Variants in MYO1E observed in about 807,000 individuals in gnomAD.
MYO1E encodes the protein myosin IE, also known as unconventional myosin-Ie.
In MYO1E, 68 loss-of-function variants were observed where a neutral mutation model predicts 151.1. The ratio of observed to expected loss-of-function variants is 0.45; its 90% CI spans 0.37 to 0.55. The LOEUF (loss-of-function observed/expected upper bound fraction) is 0.55, where lower values mean the gene tolerates loss of function less well. MYO1E is among the 20% of genes least tolerant of loss of function. The probability of loss-of-function intolerance (pLI) is 0.00; values close to 1 mark genes in which losing one functional copy is unlikely to be tolerated. For synonymous variants in MYO1E, 601 were observed against 501.7 expected, an observed-to-expected ratio of 1.20 and a Z score of -2.64; for missense variants, 1,363 against 1,389.3, an observed-to-expected ratio of 0.98 and a Z score of 0.30.
At chr15:59,207,362 T>G in intron 14 of MYO1E, 1 of 1,614,004 alleles carries the variant, frequency 6.2e-7, no homozygotes, top group African/African-American at 1.3e-5. Context: ...TCCAACCTAG[T>G]GATTATCACA....
At chr15:59,267,340 G>C (rs2140378559) in intron 2 of MYO1E, among the ~76,000 whole-genome samples, 1 of 152,280 alleles carries the variant, frequency 6.6e-6, no homozygotes, top group South Asian at 2.1e-4. Flanking sequence ...AAATCTATTT[G>C]AATAGTCAGT....
chr15:59,227,699 C>T (rs2080000518), intron 6 of MYO1E, 109 bp from the exon 7 acceptor site: 9 of 1,409,838 alleles, frequency 6.4e-6, no homozygotes, highest in Admixed American at 1.7e-5. Context: ...ATAAAATACA[C>T]ATTCTGAATT....
chr15:59,149,114 T>C (rs189135939), intron 26 of MYO1E, among the ~76,000 whole-genome samples: 2 of 145,148 alleles, frequency 1.4e-5, no homozygotes, highest in East Asian at 4.1e-4. Flanking sequence ...TGGAGTGCAG[T>C]GGCCCAATCT....
intron 18 of MYO1E, among the ~76,000 whole-genome samples, chr15:59,180,984 C>G (rs2079655183): frequency 1.3e-5 from 2 of 152,170 alleles, no homozygotes; most frequent in African/African-American, 2.4e-5. Flanking sequence ...CTCTTGTTAT[C>G]TCTTGGATCA....
intron 10 of MYO1E, 47 bp downstream of exon 10, chr15:59,217,844 T>C (rs765917924): frequency 7.5e-6 from 12 of 1,602,038 alleles, no homozygotes; most frequent in Non-Finnish European, 7.7e-6. Flanking sequence ...TTTTACTCTT[T>C]ATAGCTAAGA....
chr15:59,271,049 T>C (rs1459381942), intron 2 of MYO1E: 4 of 152,220 alleles, frequency 2.6e-5, no homozygotes, highest in African/African-American at 9.6e-5. Context: ...AATTCCCTTA[T>C]AGTAAATAAG....
At chr15:59,265,664 G>C (rs1404584188) in intron 2 of MYO1E, among the ~76,000 whole-genome samples, 4 of 152,054 alleles carry the variant, frequency 2.6e-5, no homozygotes, top group African/African-American at 9.7e-5. Context: ...AAAAAATAAA[G>C]TTTGGTTTAA....
chr15:59,168,929 C>G (rs1687067772), intron 22 of MYO1E, among the ~76,000 whole-genome samples: 1 of 152,180 alleles, frequency 6.6e-6, no homozygotes, highest in Admixed American at 6.5e-5. Context: ...GCCTTTATTT[C>G]ATGCTCAAAT....
intron 26 of MYO1E, among the ~76,000 whole-genome samples, chr15:59,149,210 C>T (rs1286980968): frequency 6.6e-6 from 1 of 152,014 alleles, no homozygotes; most frequent in Non-Finnish European, 1.5e-5. Context: ...GCACCCACCA[C>T]CATACCCAGC....
chr15:59,318,365 T>G (rs1468505110), intron 1 of MYO1E, among the ~76,000 whole-genome samples: 2 of 152,132 alleles, frequency 1.3e-5, no homozygotes, highest in African/African-American at 4.8e-5. Flanking sequence ...CAACGGAGAC[T>G]ACCATGAAAG....
intron 1 of MYO1E, among the ~76,000 whole-genome samples, chr15:59,313,077 G>A (rs1446158999): frequency 6.6e-6 from 1 of 152,196 alleles, no homozygotes; most frequent in Non-Finnish European, 1.5e-5. Context: ...GCTTTAACAA[G>A]TCCTCCCGTA....
intron 2 of MYO1E, chr15:59,270,952 T>A (rs2080285658): frequency 6.6e-6 from 1 of 152,202 alleles, no homozygotes; most frequent in Non-Finnish European, 1.5e-5. Flanking sequence ...TTTTAAATGA[T>A]GCAATTATAA....
intron 17 of MYO1E, among the ~76,000 whole-genome samples, chr15:59,192,211 C>T (rs569423263): frequency 1.1e-4 from 17 of 148,094 alleles, no homozygotes; most frequent in African/African-American, 3.7e-4. Flanking sequence ...AATCAACGCT[C>T]GACCAACTAA....
chr15:59,148,850 G>A (rs926195385), intron 26 of MYO1E, among the ~76,000 whole-genome samples: 11 of 152,040 alleles, frequency 7.2e-5, no homozygotes, highest in Non-Finnish European at 1.6e-4. Flanking sequence ...GGAGTATCTT[G>A]AAATTTCCTG....
At chr15:59,311,641 A>G (rs989006087) in intron 1 of MYO1E, among the ~76,000 whole-genome samples, 2 of 152,174 alleles carry the variant, frequency 1.3e-5, no homozygotes, top group Non-Finnish European at 2.9e-5. Flanking sequence ...TATATCAGGC[A>G]AGCCCAGTTG....
At chr15:59,282,772 C>G (rs572720886) in intron 1 of MYO1E, among the ~76,000 whole-genome samples, 1 of 147,340 alleles carries the variant, frequency 6.8e-6, no homozygotes, top group African/African-American at 2.5e-5. Context: ...CGCTTAAGCT[C>G]AGGAGGTCAA....
intron 22 of MYO1E, among the ~76,000 whole-genome samples, chr15:59,170,437 G>A (rs2079586016): frequency 2.0e-5 from 3 of 152,170 alleles, no homozygotes; most frequent in African/African-American, 4.8e-5. Context: ...AACAAAGCAG[G>A]AGCTTCCTGT....
intron 1 of MYO1E, among the ~76,000 whole-genome samples, chr15:59,337,714 C>T (rs2080737752): frequency 6.6e-6 from 1 of 152,138 alleles, no homozygotes; most frequent in Admixed American, 6.6e-5. Context: ...CTCCTGTAAT[C>T]CCAGCTACTC....
chr15:59,223,312 AAAG>A, intron 8 of MYO1E, 121 bp from the exon 9 acceptor site: 3 of 1,062,652 alleles, frequency 2.8e-6, no homozygotes, highest in Non-Finnish European at 2.6e-6. Flanking sequence ...GACGAGTTAC[AAAG>A]AAAAAAAAAA....
Sources: gnomAD v4.1 joint callset for allele counts (sites outside exome capture counted in the v4.1 genomes callset) on GRCh38, gnomAD v4.1.1 for gene constraint, MANE v1.5 for transcripts, NCBI Gene and HGNC (gene_info 2026-07-23, HGNC 2026-07-21) for gene names.